The following CNTN6 variants were observed in gnomAD, a reference collection of about 807,000 sequenced individuals.
The protein encoded by CNTN6 is contactin 6.
A neutral mutation model predicts 122.8 loss-of-function variants in CNTN6; 137 were observed. That is an observed-to-expected ratio of 1.12 (90% CI 0.97 to 1.29). The LOEUF (loss-of-function observed/expected upper bound fraction) is 1.29. Among genes scored for constraint, CNTN6 ranks in the 50% most tolerant of loss-of-function variants. The pLI, the probability that CNTN6 is intolerant of heterozygous loss-of-function variation, is 0.00. For missense variants in CNTN6, 1,634 were observed against 1,223.4 expected (o/e 1.34, Z -5.01); for synonymous variants, 570 against 426.0 (o/e 1.34, Z -4.16).
chr3:1,336,833 C>T (rs1488509549), intron 11 of CNTN6, among the ~76,000 whole-genome samples: 1 of 152,068 alleles, frequency 6.6e-6, no homozygotes, highest in Non-Finnish European at 1.5e-5. Context: ...TGCCCAGACA[C>T]CTTCCTCTTG....
chr3:1,387,698 G>A (rs532746995), intron 20 of CNTN6, among the ~76,000 whole-genome samples: 1 of 152,156 alleles, frequency 6.6e-6, no homozygotes, highest in South Asian at 2.1e-4. Context: ...CAGGTCAGTG[G>A]GTGAGCGCAC....
In CNTN6 at chr3:1,388,416, C is replaced by T. The variant is rs950077004; in HGVS notation, c.2704+2619C>T. On this transcript the variant is annotated intron_variant, in intron 20 of 22. Transcript: ENST00000446702. ...CCACACCAAAAACCCATCTGTACAT[C>T]ACCATCATCAAAGACCAAAAGTAGA... is the stretch of plus-strand genomic sequence containing the variant. 7.5e-4 allele frequency among the ~76,000 whole-genome samples: 114 copies of T among 151,000 alleles called. 1 individual carries two copies. The highest frequency in any genetic ancestry group is 2.7e-3 in the African/African-American group (110 of 41,142).
At position 1,373,654 on chromosome 3, in the gene CNTN6, A is replaced by T. The variant is rs779005728; in HGVS notation, c.1837A>T (p.Thr613Ser). The T allele has an allele frequency of 1.2e-6, 2 of 1,612,942 alleles. No homozygotes were observed. Among genetic ancestry groups the T allele is most frequent in the African/African-American group, 1.3e-5 (1 of 74,824 alleles). The part of the protein sequence containing the change: ...DVQVEDISST[T>S]SQLSWRAGPD... ...GCAAGTGGAAGACATTTCCAGTACT[A>T]CTTCTCAACTAAGTTGGAGAGCAGG... Residue 613 changes from threonine (T) to serine (S), a missense_variant, in exon 15 of 23, where the codon ACT (threonine) becomes TCT (serine). Physicochemically the swap from Thr to Ser is moderately conservative, Grantham distance 58. Coordinates refer to ENST00000446702, the MANE Select transcript of CNTN6 (RefSeq NM_001289080.2).
rs155896 is a variant in CNTN6 at position 1,359,857 on chromosome 3, A to T, written c.1492+7406A>T. Among the ~76,000 whole-genome samples the T allele has an allele frequency of 3.3e-5, 5 of 151,878 alleles. No homozygotes were observed. In the South Asian group the frequency reaches 8.3e-4, roughly 25 times the overall value. Reference sequence around the variant, plus strand: ...TGTCCAAGGTTTATTTCAGAGTATTAGCTTTGATTTTCCTGTGTTTGCTTT... The same window carrying T: ...TGTCCAAGGTTTATTTCAGAGTATTTGCTTTGATTTTCCTGTGTTTGCTTT... On this transcript the variant is annotated intron_variant, in intron 12 of 22. Coordinates refer to ENST00000446702, the MANE Select transcript of CNTN6 (RefSeq NM_001289080.2).
At chr3:1,177,190 A>G (rs540420234) in intron 2 of CNTN6, among the ~76,000 whole-genome samples, 111 of 152,324 alleles carry the variant, frequency 7.3e-4, no homozygotes, top group African/African-American at 2.5e-3. Flanking sequence ...AAAAGAAGCG[A>G]GAGATTGCAT....
chr3:1,198,516 G>GATTC (rs2093810941), intron 2 of CNTN6, among the ~76,000 whole-genome samples: 1 of 152,152 alleles, frequency 6.6e-6, no homozygotes, highest in African/African-American at 2.4e-5. Flanking sequence ...TGAGGTTAGG[G>GATTC]ATTCGAGACC....
chr3:1,272,735 G>T (rs368509424), intron 4 of CNTN6, among the ~76,000 whole-genome samples: 35 of 152,128 alleles, frequency 2.3e-4, no homozygotes, highest in African/African-American at 8.0e-4. Flanking sequence ...GCCTCCTTCT[G>T]TGTCAGGGGC....
At chr3:1,228,446 T>A (rs971689748) in intron 4 of CNTN6, among the ~76,000 whole-genome samples, 1 of 152,170 alleles carries the variant, frequency 6.6e-6, no homozygotes, top group Admixed American at 6.5e-5. Flanking sequence ...AATAAAGTGG[T>A]TGCCAAAGGC....
intron 2 of CNTN6, among the ~76,000 whole-genome samples, chr3:1,214,508 C>G (rs915901409): frequency 2.0e-5 from 3 of 151,704 alleles, no homozygotes; most frequent in Non-Finnish European, 4.4e-5. Flanking sequence ...TGGGGTTTCA[C>G]TATGTTGGCC....
At position 1,102,621 on chromosome 3, in the gene CNTN6, G is replaced by A. The variant is rs548435607; in HGVS notation, c.-83+9501G>A. ...GCGGCGCCTGTAGTCCCAGCTACTCGGGAGGCTGAGGCAGGAGAATGGCGG... is the reference window on the plus strand; with the variant it reads ...GCGGCGCCTGTAGTCCCAGCTACTCAGGAGGCTGAGGCAGGAGAATGGCGG... On this transcript the variant is annotated intron_variant, in intron 1 of 22. Transcript: ENST00000446702. 1.0e-3 allele frequency among the ~76,000 whole-genome samples: 154 copies of A among 149,800 alleles called. 7 individuals are homozygous for A. The highest frequency in any genetic ancestry group is 1.6e-3 in the Admixed American group (24 of 15,020).
At position 1,372,318 on chromosome 3, in the gene CNTN6, C is replaced by A. The variant is rs753581579; in HGVS notation, c.1512C>A (p.Val504=). Reference sequence around the variant, plus strand: ...CAACAGAGAGAACTGTCATTACCGTCCCACCTTCCAAAATGGATGTTACAG... The same window carrying A: ...CAACAGAGAGAACTGTCATTACCGTACCACCTTCCAAAATGGATGTTACAG... ...LIVKERTVIT[V]PPSKMDVTVG... Residue 504 remains valine, a synonymous_variant, in exon 13 of 23, where the codon GTC becomes GTA. Transcript: ENST00000446702. 19 of 1,609,220 alleles carry A rather than the reference C, an allele frequency of 1.2e-5. No homozygotes were observed. Among genetic ancestry groups the A allele is most frequent in the Non-Finnish European group, 1.4e-5 (16 of 1,178,168 alleles).
At chr3:1,240,514 C>A (rs2094469166) in intron 4 of CNTN6, among the ~76,000 whole-genome samples, 1 of 151,866 alleles carries the variant, frequency 6.6e-6, no homozygotes, top group African/African-American at 2.4e-5. Context: ...ATCAAAAACT[C>A]AAAAAATAAT....
chr3:1,252,996 T>A (rs562907758), intron 4 of CNTN6, among the ~76,000 whole-genome samples: 431 of 152,304 alleles, frequency 2.8e-3, no homozygotes, highest in African/African-American at 9.8e-3. Flanking sequence ...AATTTCTGCA[T>A]TTTCTTCCTC....
At chr3:1,327,915 A>T (rs1313184860) in intron 10 of CNTN6, among the ~76,000 whole-genome samples, 1 of 151,818 alleles carries the variant, frequency 6.6e-6, no homozygotes, top group East Asian at 1.9e-4. Context: ...GTAATAAAAA[A>T]ATCACAATTC....
intron 4 of CNTN6, among the ~76,000 whole-genome samples, chr3:1,253,995 A>G (rs936517704): frequency 2.6e-5 from 4 of 152,198 alleles, no homozygotes; most frequent in Non-Finnish European, 4.4e-5. Context: ...ATTTATATAA[A>G]TGGGATTGTT....
chr3:1,344,216 C>T (rs1162854089), intron 11 of CNTN6, among the ~76,000 whole-genome samples: 2 of 152,128 alleles, frequency 1.3e-5, no homozygotes, highest in African/African-American at 4.8e-5. Context: ...AGTTCTGCTT[C>T]TCAGGGAGGT....
chr3:1,286,781 C>T (rs1694422168), intron 5 of CNTN6, among the ~76,000 whole-genome samples: 1 of 152,142 alleles, frequency 6.6e-6, no homozygotes, highest in South Asian at 2.1e-4. Flanking sequence ...TATTCAGTAT[C>T]TCACATGGAG....
At chr3:1,351,261 C>A (rs1322666610) in intron 11 of CNTN6, among the ~76,000 whole-genome samples, 1 of 151,888 alleles carries the variant, frequency 6.6e-6, no homozygotes, top group Non-Finnish European at 1.5e-5. Context: ...ATATTAGAAA[C>A]AACGATATGT....
At chr3:1,392,902 AAAC>A (rs1402500371) in intron 20 of CNTN6, among the ~76,000 whole-genome samples, 2 of 125,376 alleles carry the variant, frequency 1.6e-5, no homozygotes, top group African/African-American at 6.0e-5. Context: ...AAAAGTCAGG[AAAC>A]AACAGGTGCT....
Sources: gnomAD v4.1 joint callset for allele counts (sites outside exome capture counted in the v4.1 genomes callset) on GRCh38, gnomAD v4.1.1 for gene constraint, MANE v1.5 for transcripts, NCBI Gene and HGNC (gene_info 2026-07-23, HGNC 2026-07-21) for gene names.